SULF2: variants seen among roughly 807,000 people sequenced by gnomAD.
SULF2 encodes the protein extracellular sulfatase Sulf-2.
SULF2 carries 52 observed loss-of-function variants against 107.7 expected under a neutral mutation model. The observed-to-expected ratio is 0.48, with a 90% confidence interval of 0.39 to 0.61. The LOEUF is 0.61. SULF2 is among the 20% of genes least tolerant of loss of function. The pLI is 0.00. For synonymous variants in SULF2, 460 were observed against 464.3 expected (o/e 0.99, Z 0.12); for missense variants, 993 against 1,177.3 (o/e 0.84, Z 2.29).
At position 47,690,114 on chromosome 20, in the gene SULF2, G is replaced by A. The variant is rs1242240281; in HGVS notation, c.737+12C>T. The A allele has an allele frequency of 2.1e-6, 3 of 1,433,622 alleles. No homozygotes were observed. Among genetic ancestry groups the A allele is most frequent in the Non-Finnish European group, 2.8e-6 (3 of 1,079,690 alleles). 88.8% of individuals were successfully genotyped at this position (1,433,622 alleles called of 1,614,324 possible). On this transcript the variant is annotated intron_variant, in intron 5 of 20. Coordinates refer to ENST00000688720, the MANE Select transcript of SULF2 (RefSeq NM_001387048.1). ...AAGCAGTGCCTCTGGCAGGCAGAGT[G>A]CTGAGGCTTACATGTGCTGAGATGC...
chr20:47,663,394 GAGA>G, intron 16 of SULF2, 56 bp downstream of exon 16: 1 of 1,598,528 alleles, frequency 6.3e-7, no homozygotes. Flanking sequence ...TCACTAAGTG[GAGA>G]AGTTTCTTGA....
chr20:47,729,854 AGAG>A (rs2089546783), intron 3 of SULF2, among the ~76,000 whole-genome samples: 1 of 152,178 alleles, frequency 6.6e-6, no homozygotes, highest in African/African-American at 2.4e-5. Context: ...ATAGCATTGC[AGAG>A]GAGGACGGCC....
At chr20:47,691,363 T>C (rs1260064829) in intron 4 of SULF2, among the ~76,000 whole-genome samples, 2 of 152,090 alleles carry the variant, frequency 1.3e-5, no homozygotes, top group Non-Finnish European at 2.9e-5. Context: ...GAGGTGACAT[T>C]TGAGTTGAGA....
In SULF2 at chr20:47,658,287, C is replaced by A. The variant is rs900003129; in HGVS notation, c.*75G>T. The A allele has an allele frequency of 9.2e-6, 14 of 1,520,614 alleles. No homozygotes were observed. The highest frequency in any genetic ancestry group is 1.3e-5 in the Non-Finnish European group (14 of 1,094,784). The allele number at this position is 1,520,614 out of a possible 1,614,324, so 94.2% of individuals were successfully genotyped here. A position where few individuals can be genotyped will look rare whatever the true frequency, so the allele number is the denominator to read the frequency against. Reference sequence around the variant, plus strand: ...CCAATACCACAGGTCTGCTGGAAATCACCCACATGGTTTTTCATTGCCTGT... The same window carrying A: ...CCAATACCACAGGTCTGCTGGAAATAACCCACATGGTTTTTCATTGCCTGT... On this transcript the variant is annotated 3_prime_UTR_variant, in exon 21 of 21. Transcript: ENST00000688720.
intron 3 of SULF2, among the ~76,000 whole-genome samples, chr20:47,724,356 C>G (rs11699657): frequency 0.25 from 38,758 of 152,128 alleles, 5,024 homozygotes; most frequent in South Asian, 0.32. Flanking sequence ...TCCTGTCTTC[C>G]GCCTGCCTGT....
intron 19 of SULF2, 100 bp downstream of exon 19, chr20:47,659,597 C>T (rs781423554): frequency 1.6e-5 from 22 of 1,362,190 alleles, no homozygotes; most frequent in Non-Finnish European, 2.0e-5. Context: ...GAGGGAAGGG[C>T]AGTTTCTCAA....
At chr20:47,773,929 A>G (rs1475612132) in intron 1 of SULF2, among the ~76,000 whole-genome samples, 1 of 152,252 alleles carries the variant, frequency 6.6e-6, no homozygotes, top group Non-Finnish European at 1.5e-5. Flanking sequence ...AATAAAAGGT[A>G]TTTTGACGGC....
In SULF2 at chr20:47,694,611, G is replaced by GC. The variant is rs113727911; in HGVS notation, c.568-4317dup. On this transcript the variant is annotated intron_variant, in intron 4 of 20. Coordinates refer to ENST00000688720, the MANE Select transcript of SULF2 (RefSeq NM_001387048.1). This position sits in a 1 kb window ranked among gnomAD's most constrained non-coding sequence, Gnocchi z 4.4. The stretch of plus-strand genomic sequence containing the variant: ...CAGCTGGGACCCCGAGGTGCAACCG[G>GC]CCCCCTCTGGCAAGCACCCTCTGAG... Among the ~76,000 whole-genome samples the GC allele has an allele frequency of 0.024, 3,592 of 152,192 alleles. 148 individuals are homozygous for GC. Among genetic ancestry groups the GC allele is most frequent in the African/African-American group, 0.081 (3,372 of 41,496 alleles).
chr20:47,724,017 C>T (rs1230470927), intron 3 of SULF2, among the ~76,000 whole-genome samples: 3 of 152,122 alleles, frequency 2.0e-5, no homozygotes, highest in Non-Finnish European at 2.9e-5. Context: ...AGGAATGGAC[C>T]TTGGAAGTTC....
chr20:47,663,405 T>A (rs2235734), intron 16 of SULF2, 48 bp downstream of exon 16: 1 of 1,599,516 alleles, frequency 6.3e-7, no homozygotes. Flanking sequence ...AGAAGTTTCT[T>A]GAACCCCTGG....
At chr20:47,668,305 C>G (rs1274845170) in intron 11 of SULF2, among the ~76,000 whole-genome samples, 5 of 152,270 alleles carry the variant, frequency 3.3e-5, no homozygotes, top group Non-Finnish European at 5.9e-5. Context: ...GGTACAGCTG[C>G]TCGCATTCCC....
At position 47,736,834 on chromosome 20, in the gene SULF2, A is replaced by T; in HGVS notation, c.284T>A (p.Ile95Asn). ...TPMCCPSRSSILTGKYVHNHN... is the reference protein window; with the variant it reads ...TPMCCPSRSSNLTGKYVHNHN... Reference sequence around the variant, plus strand: ...GTTGTGGACGTACTTGCCAGTGAGGATGGAGGAGCGTGAGGGGCAGCACAT... The same window carrying T: ...GTTGTGGACGTACTTGCCAGTGAGGTTGGAGGAGCGTGAGGGGCAGCACAT... The change falls in exon 3 of 21, where the codon ATC becomes AAC. Residue 95 changes from isoleucine (I) to asparagine (N), a missense_variant. Transcript: ENST00000688720. The T allele has an allele frequency of 6.2e-7, 1 of 1,614,150 alleles. No homozygotes were observed. The highest frequency in any genetic ancestry group is 8.5e-7 in the Non-Finnish European group (1 of 1,179,994).
At chr20:47,664,047 TC>T in intron 15 of SULF2, 82 bp downstream of exon 15, 1 of 1,452,786 alleles carries the variant, frequency 6.9e-7, no homozygotes, top group Non-Finnish European at 9.5e-7. Context: ...TCTTTCCTTT[TC>T]TTCTGAGTTT....
intron 4 of SULF2, among the ~76,000 whole-genome samples, chr20:47,692,701 C>T (rs1398883990): frequency 6.6e-6 from 1 of 152,218 alleles, no homozygotes; most frequent in Non-Finnish European, 1.5e-5. Context: ...TCTTCAACTC[C>T]TGGTCTCAAG....
chr20:47,715,120 C>T (rs958653440), intron 3 of SULF2, among the ~76,000 whole-genome samples: 3 of 135,992 alleles, frequency 2.2e-5, no homozygotes, highest in Non-Finnish European at 4.7e-5. Context: ...TTTGTAGAGA[C>T]AGGGTTTCAT....
chr20:47,733,815 G>A (rs1600603103), intron 3 of SULF2, among the ~76,000 whole-genome samples: 1 of 152,130 alleles, frequency 6.6e-6, no homozygotes, highest in African/African-American at 2.4e-5. Flanking sequence ...AGTTATTCTC[G>A]AAACATTGTA....
chr20:47,682,969 G>A (rs981893589), intron 7 of SULF2, 25 bp downstream of exon 7: 49 of 1,564,360 alleles, frequency 3.1e-5, no homozygotes, highest in Non-Finnish European at 3.9e-5. Flanking sequence ...GGCCTCCCTG[G>A]GTCCCTGGGG....
chr20:47,779,898 C>T (rs533908870), intron 1 of SULF2, among the ~76,000 whole-genome samples: 16 of 152,236 alleles, frequency 1.1e-4, no homozygotes, highest in East Asian at 1.9e-4. Flanking sequence ...TAAGCCACCG[C>T]GTCCAGACAG....
chr20:47,661,625 G>T, intron 18 of SULF2, 148 bp downstream of exon 18: 1 of 746,980 alleles, frequency 1.3e-6, no homozygotes, highest in East Asian at 3.0e-5. Flanking sequence ...GCCTGCTATG[G>T]ACAGGGGCTC....
Sources: allele counts gnomAD v4.1 joint callset (sites outside exome capture counted in the v4.1 genomes callset), GRCh38; gene constraint gnomAD v4.1.1; non-coding constraint Gnocchi (gnomAD v3.1); transcripts MANE v1.5; gene names NCBI Gene and HGNC (gene_info 2026-07-23, HGNC 2026-07-21).